The following MAP4K3 variants were observed in gnomAD, a reference collection of about 807,000 sequenced individuals.
MAP4K3 encodes MAPK/ERK kinase kinase kinase 3.
In MAP4K3, 94 loss-of-function variants were observed where a neutral mutation model predicts 143.5. That is an observed-to-expected ratio of 0.65 (90% CI 0.55 to 0.78). MAP4K3 has a LOEUF of 0.78. Among genes scored for constraint, MAP4K3 ranks in the 30% least tolerant of loss-of-function variants. The pLI, the probability that MAP4K3 is intolerant of heterozygous loss-of-function variation, is 0.00. For missense variants in MAP4K3, 1,077 were observed against 1,068.1 expected (o/e 1.01, Z -0.12); for synonymous variants, 416 against 347.2 (o/e 1.20, Z -2.20).
rs367765414 is a variant in MAP4K3 at position 39,351,390 on chromosome 2, T to C, written c.245+4859A>G. ...CTACATTGACAAAAATCAGAGAGTCTATCATCCTTAGCACTTCTGTGCCTT... is the reference window on the plus strand; with the variant it reads ...CTACATTGACAAAAATCAGAGAGTCCATCATCCTTAGCACTTCTGTGCCTT... On this transcript the variant is annotated intron_variant, in intron 3 of 33. Transcript: ENST00000263881. 2.0e-5 allele frequency among the ~76,000 whole-genome samples: 3 copies of C among 152,244 alleles called. No homozygotes were observed. The East Asian group carries it at 5.8e-4, about 29-fold the overall frequency.
At position 39,254,434 on chromosome 2, in the gene MAP4K3, GACATAATTT is replaced by G. The variant is rs1245248319; in HGVS notation, c.2541+7_2541+15del. 2 of 1,599,348 alleles carry G rather than the reference GACATAATTT, an allele frequency of 1.3e-6. No individual in the cohort carries two copies. The highest frequency in any genetic ancestry group is 2.2e-5 in the East Asian group (1 of 44,778). ...GATAATGTCTTGTGACTACTTAATGGACATAATTTACTTACCTCATTAGATCTAAAACTT... is the reference window on the plus strand; with the variant it reads ...GATAATGTCTTGTGACTACTTAATGGACTTACCTCATTAGATCTAAAACTT... On this transcript the variant is annotated splice_region_variant and intron_variant, in intron 32 of 33. Transcript: ENST00000263881.
intron 12 of MAP4K3, among the ~76,000 whole-genome samples, chr2:39,318,249 T>C (rs540342942): frequency 6.6e-6 from 1 of 151,868 alleles, no homozygotes; most frequent in African/African-American, 2.4e-5. Context: ...CAACTTGAGG[T>C]TGGGAGGAGG....
At chr2:39,359,088 T>A (rs556061065) in intron 2 of MAP4K3, among the ~76,000 whole-genome samples, 1 of 152,298 alleles carries the variant, frequency 6.6e-6, no homozygotes, top group South Asian at 2.1e-4. Flanking sequence ...CCCTTCTACC[T>A]ATGAGCCTGT....
chr2:39,314,193 C>T (rs1683038476), intron 13 of MAP4K3, among the ~76,000 whole-genome samples: 1 of 152,088 alleles, frequency 6.6e-6, no homozygotes, highest in East Asian at 1.9e-4. Flanking sequence ...ACATGCCTGG[C>T]TAATTTTGGT....
At chr2:39,410,215 G>C (rs1236338536) in intron 1 of MAP4K3, among the ~76,000 whole-genome samples, 1 of 152,118 alleles carries the variant, frequency 6.6e-6, no homozygotes, top group African/African-American at 2.4e-5. Context: ...TTCTAGTTCA[G>C]CAACAGGCCA....
chr2:39,299,827 G>C, intron 15 of MAP4K3, 26 bp from the exon 16 acceptor site: 2 of 1,304,146 alleles, frequency 1.5e-6, no homozygotes, highest in Non-Finnish European at 2.1e-6. Flanking sequence ...AAAATATTTA[G>C]CACAATAGTA....
chr2:39,408,181 T>G (rs1275386724), intron 1 of MAP4K3, among the ~76,000 whole-genome samples: 1 of 152,230 alleles, frequency 6.6e-6, no homozygotes, highest in Non-Finnish European at 1.5e-5. Context: ...TTTTCTGGAT[T>G]GGTTCCTTCC....
chr2:39,277,737 A>G lies in MAP4K3; in HGVS notation c.1794+670T>C, dbSNP rs146420823. ...AGGCCACCATGCCCAGCTAATTTTT[A>G]TATTTTTTAGTAGAGACAGGGTTTC... is the stretch of plus-strand genomic sequence containing the variant. On this transcript the variant is annotated intron_variant, in intron 24 of 33. Transcript: ENST00000263881. Among the ~76,000 whole-genome samples, 981 of 151,580 alleles carry G rather than the reference A, an allele frequency of 6.5e-3. 14 individuals carry two copies. Among genetic ancestry groups the G allele is most frequent in the African/African-American group, 0.022 (907 of 41,382 alleles).
chr2:39,283,189 G>A (rs1222164537), intron 21 of MAP4K3, among the ~76,000 whole-genome samples: 4 of 152,126 alleles, frequency 2.6e-5, no homozygotes, highest in South Asian at 4.1e-4. Flanking sequence ...CTGATACACA[G>A]GGTCTCTATC....
chr2:39,296,920 C>T (rs1190647080), intron 16 of MAP4K3, among the ~76,000 whole-genome samples: 2 of 152,110 alleles, frequency 1.3e-5, no homozygotes, highest in East Asian at 3.8e-4. Context: ...ATCCATTTTA[C>T]TAGCAATAAT....
intron 1 of MAP4K3, among the ~76,000 whole-genome samples, chr2:39,388,521 C>A (rs926471805): frequency 6.6e-6 from 1 of 152,128 alleles, no homozygotes; most frequent in Non-Finnish European, 1.5e-5. Context: ...AATCTAGGGA[C>A]TTCAGTTTTG....
chr2:39,361,514 C>G (rs1230146656), intron 2 of MAP4K3, among the ~76,000 whole-genome samples: 1 of 151,308 alleles, frequency 6.6e-6, no homozygotes, highest in African/African-American at 2.4e-5. Flanking sequence ...TATGACTGTG[C>G]TCTTGGACAA....
chr2:39,322,921 C>T (rs576954349), intron 12 of MAP4K3, among the ~76,000 whole-genome samples: 4 of 152,032 alleles, frequency 2.6e-5, no homozygotes, highest in Admixed American at 6.6e-5. Context: ...CCACCTGCCT[C>T]GGTCTTCCAG....
intron 19 of MAP4K3, among the ~76,000 whole-genome samples, chr2:39,288,774 CG>C (rs1363978646): frequency 1.3e-5 from 2 of 152,130 alleles, no homozygotes; most frequent in Admixed American, 6.5e-5. Context: ...ATCATGTGGC[CG>C]GGTGCGGTGG....
chr2:39,293,170 G>A (rs1682122966), intron 17 of MAP4K3, 60 bp downstream of exon 17: 3 of 1,201,012 alleles, frequency 2.5e-6, no homozygotes, highest in East Asian at 2.5e-5. Flanking sequence ...CAGAGAAGAA[G>A]GCAAACTGAC....
At chr2:39,317,229 A>G (rs1376909873) in intron 12 of MAP4K3, among the ~76,000 whole-genome samples, 1 of 152,146 alleles carries the variant, frequency 6.6e-6, no homozygotes, top group Admixed American at 6.6e-5. Context: ...TTGAAACTGG[A>G]CCCCTTCCTT....
At chr2:39,322,592 ATGTGTG>A (rs71752304) in intron 12 of MAP4K3, among the ~76,000 whole-genome samples, 9,653 of 144,748 alleles carry the variant, frequency 0.067, 422 homozygotes, top group African/African-American at 0.12. Flanking sequence ...GATGTGGTAT[ATGTGTG>A]TGTGTGTGTG....
At position 39,356,530 on chromosome 2, in the gene MAP4K3, T is replaced by C. The variant is rs144407665; in HGVS notation, c.155-191A>G. ...TTCAGTCCTGACTTGAGAGAAAATA[T>C]AGCATAGTGCTTAAAAGCATGAACT... On this transcript the variant is annotated intron_variant, in intron 2 of 33. Coordinates refer to ENST00000263881, the MANE Select transcript of MAP4K3 (RefSeq NM_003618.4). 2.3e-4 allele frequency among the ~76,000 whole-genome samples: 35 copies of C among 152,352 alleles called. No homozygotes were observed. The East Asian group carries it at 2.7e-3, about 12-fold the overall frequency.
At chr2:39,290,068 CAG>C (rs1043635606) in intron 19 of MAP4K3, among the ~76,000 whole-genome samples, 21 of 121,804 alleles carry the variant, frequency 1.7e-4, no homozygotes, top group Middle Eastern at 9.0e-3. Flanking sequence ...GCCTGGGTGA[CAG>C]AGTGAGACTG....
Sources: allele counts gnomAD v4.1 joint callset (sites outside exome capture counted in the v4.1 genomes callset), GRCh38; gene constraint gnomAD v4.1.1; transcripts MANE v1.5; gene names NCBI Gene and HGNC (gene_info 2026-07-23, HGNC 2026-07-21).